The following PRKCQ variants were observed in gnomAD, a reference collection of about 807,000 sequenced individuals.
The protein encoded by PRKCQ is protein kinase C theta, also known as protein kinase C theta type.
In PRKCQ, 41 loss-of-function variants were observed where a neutral mutation model predicts 91.2. That is an observed-to-expected ratio of 0.45 (90% CI 0.35 to 0.58). The LOEUF (loss-of-function observed/expected upper bound fraction) is 0.58, where lower values mean the gene tolerates loss of function less well. Among genes scored for constraint, PRKCQ ranks in the 20% least tolerant of loss-of-function variants. PRKCQ has a pLI of 0.00. For missense variants in PRKCQ, 673 were observed against 896.5 expected (o/e 0.75, Z 3.18); for synonymous variants, 307 against 316.9 (o/e 0.97, Z 0.33).
intron 1 of PRKCQ, among the ~76,000 whole-genome samples, chr10:6,547,128 G>A (rs950375385): frequency 4.6e-5 from 7 of 152,122 alleles, no homozygotes; most frequent in Non-Finnish European, 7.4e-5. Context: ...GCTGGATTCG[G>A]TTTGCCAGTA....
intron 1 of PRKCQ, among the ~76,000 whole-genome samples, chr10:6,548,990 C>T (rs2130930586): frequency 6.6e-6 from 1 of 152,274 alleles, no homozygotes; most frequent in Admixed American, 6.5e-5. Context: ...TCCATTCATT[C>T]ACCAGTCTTA....
At chr10:6,487,123 C>T (rs757910005) in intron 8 of PRKCQ, among the ~76,000 whole-genome samples, 1 of 152,122 alleles carries the variant, frequency 6.6e-6, no homozygotes, top group African/African-American at 2.4e-5. Context: ...GCCCCTGTAC[C>T]CATGCCTCCT....
intron 1 of PRKCQ, among the ~76,000 whole-genome samples, chr10:6,547,582 T>C (rs1308892356): frequency 1.3e-5 from 2 of 149,934 alleles, no homozygotes; most frequent in African/African-American, 4.9e-5. Context: ...AGGCCACATA[T>C]CTACAACTAT....
At chr10:6,575,780 G>A (rs541765595) in intron 1 of PRKCQ, among the ~76,000 whole-genome samples, 23 of 152,296 alleles carry the variant, frequency 1.5e-4, no homozygotes, top group African/African-American at 4.3e-4. Flanking sequence ...GGTGGCTCAC[G>A]CCTGTAATCT....
Position 6,575,237 on chromosome 10 carries a change from G to A in PRKCQ, c.-10+4974C>T, listed in dbSNP as rs529690132. On this transcript the variant is annotated intron_variant, in intron 1 of 17. Transcript: ENST00000263125. ...CATCTCCCTGTGGGTTTTGCAGCAC[G>A]GTGTGTGATCTGAGGCTTGCAACAA... Among the ~76,000 whole-genome samples the A allele has an allele frequency of 3.9e-5, 6 of 152,242 alleles. No homozygotes were observed. The East Asian group carries it at 7.7e-4, about 20-fold the overall frequency.
At chr10:6,464,905 C>A (rs1835562782) in intron 12 of PRKCQ, among the ~76,000 whole-genome samples, 1 of 152,096 alleles carries the variant, frequency 6.6e-6, no homozygotes, top group South Asian at 2.1e-4. Context: ...CCCCAGGAAG[C>A]CTGGGGAATC....
At chr10:6,518,686 TGGG>T (rs1218877637) in intron 1 of PRKCQ, among the ~76,000 whole-genome samples, 1 of 151,692 alleles carries the variant, frequency 6.6e-6, no homozygotes, top group Non-Finnish European at 1.5e-5. Context: ...CCAGGCATGG[TGGG>T]GGGCACCTGT....
chr10:6,398,736 ATTTTTC>A, the PRKCQ span, among the ~76,000 whole-genome samples: 31,112 of 151,466 alleles, frequency 0.21, 3,473 homozygotes, highest in Non-Finnish European at 0.25. Context: ...TTAGAGCTGA[ATTTTTC>A]TTTTTCTTTT....
intron 8 of PRKCQ, among the ~76,000 whole-genome samples, chr10:6,490,723 G>A (rs1191024169): frequency 6.6e-6 from 1 of 152,072 alleles, no homozygotes; most frequent in East Asian, 1.9e-4. Context: ...CCAGTCTCCA[G>A]TCTGGGCAAC....
chr10:6,558,411 G>C (rs1043103999), intron 1 of PRKCQ, among the ~76,000 whole-genome samples: 9 of 152,100 alleles, frequency 5.9e-5, no homozygotes, highest in African/African-American at 2.2e-4. Flanking sequence ...TAAACACAAA[G>C]AGGAGTTACA....
At chr10:6,532,135 A>G (rs1839420165) in intron 1 of PRKCQ, among the ~76,000 whole-genome samples, 1 of 152,240 alleles carries the variant, frequency 6.6e-6, no homozygotes, top group Admixed American at 6.5e-5. Context: ...GGACCCTATC[A>G]GACTTAATGC....
At chr10:6,469,087 T>C (rs1835832717) in intron 12 of PRKCQ, among the ~76,000 whole-genome samples, 2 of 152,238 alleles carry the variant, frequency 1.3e-5, no homozygotes, top group South Asian at 4.1e-4. Context: ...TAAGTTGCAT[T>C]ATAATCAGAA....
At chr10:6,451,412 A>C (rs1324780745) in intron 15 of PRKCQ, among the ~76,000 whole-genome samples, 2 of 152,134 alleles carry the variant, frequency 1.3e-5, no homozygotes, top group Admixed American at 6.6e-5. Flanking sequence ...CAATAACAGG[A>C]TCTGAAATTG....
the PRKCQ span, among the ~76,000 whole-genome samples, chr10:6,413,938 A>T: frequency 7.2e-5 from 11 of 152,378 alleles, no homozygotes; most frequent in East Asian, 2.1e-3. Context: ...TTCCCACCAG[A>T]AACAACCAAA....
chr10:6,464,551 G>A, intron 12 of PRKCQ, 147 bp from the exon 13 acceptor site: 1 of 645,888 alleles, frequency 1.5e-6, no homozygotes, highest in East Asian at 2.9e-5. Context: ...CTGGCTTCAA[G>A]AGATTCTCCC....
chr10:6,445,117 C>CAG (rs796774529), intron 15 of PRKCQ, among the ~76,000 whole-genome samples: 1,707 of 18,396 alleles, frequency 0.093, 139 homozygotes, highest in Middle Eastern at 0.17. Context: ...GAGCAAGACT[C>CAG]TGTCAAAAAA....
chr10:6,401,543 T>C, the PRKCQ span, among the ~76,000 whole-genome samples: 1 of 152,090 alleles, frequency 6.6e-6, no homozygotes, highest in African/African-American at 2.4e-5. Context: ...TCCATTTTCG[T>C]GCTTTGTATA....
intron 17 of PRKCQ, 137 bp from the exon 18 acceptor site, chr10:6,428,499 C>T: frequency 1.2e-6 from 1 of 856,854 alleles, no homozygotes; most frequent in Non-Finnish European, 1.8e-6. Flanking sequence ...GGAGGCAATG[C>T]CTACAGATGA....
chr10:6,459,071 T>C (rs1835186263), intron 14 of PRKCQ, among the ~76,000 whole-genome samples: 1 of 152,214 alleles, frequency 6.6e-6, no homozygotes, highest in Non-Finnish European at 1.5e-5. Flanking sequence ...GATGCACCTG[T>C]TGAATATTCC....
Sources: gnomAD v4.1 joint callset for allele counts (sites outside exome capture counted in the v4.1 genomes callset) on GRCh38, gnomAD v4.1.1 for gene constraint, MANE v1.5 for transcripts, NCBI Gene and HGNC (gene_info 2026-07-23, HGNC 2026-07-21) for gene names.